The following AK8 variants were observed in gnomAD, a reference collection of about 807,000 sequenced individuals.
AK8 encodes the protein ATP-AMP transphosphorylase 8.
AK8 carries 44 observed loss-of-function variants against 54.6 expected under a neutral mutation model. The ratio of observed to expected loss-of-function variants is 0.81; its 90% CI spans 0.63 to 1.04. AK8 has a LOEUF of 1.04. Ranked by LOEUF, AK8 falls within the 50% of genes least tolerant of loss-of-function variation. AK8 has a pLI of 0.00. For missense variants in AK8, 555 were observed against 613.6 expected, an observed-to-expected ratio of 0.90 and a Z score of 1.01; for synonymous variants, 239 against 245.6, an observed-to-expected ratio of 0.97 and a Z score of 0.25.
In AK8 at chr9:132,878,158, G is replaced by A. The variant is rs574532180; in HGVS notation, c.84+14C>T. ...CCGCCGCCAGCGTCGCGACGGGCAG[G>A]GGTGTCCGGTCACCTGCATCAACTC... On this transcript the variant is annotated intron_variant, in intron 1 of 12. Coordinates refer to ENST00000298545, the MANE Select transcript of AK8 (RefSeq NM_152572.3). The surrounding 1 kb of genome is among the most constrained non-coding windows in gnomAD (Gnocchi z 4.7). 9 of 1,521,900 alleles carry A rather than the reference G, an allele frequency of 5.9e-6. No individual in the cohort carries two copies. The South Asian group carries it at 1.2e-4, about 19-fold the overall frequency. The allele number at this position is 1,521,900 out of a possible 1,614,324, so 94.3% of individuals were successfully genotyped here.
At chr9:132,801,286 T>G (rs190061704) in intron 10 of AK8, among the ~76,000 whole-genome samples, 53 of 152,324 alleles carry the variant, frequency 3.5e-4, no homozygotes, top group African/African-American at 9.9e-4. Context: ...AAAATAGACA[T>G]TCTTCTATAA....
At position 132,727,455 on chromosome 9, in the gene AK8, T is replaced by C; in HGVS notation, c.1201A>G (p.Arg401Gly). ...LRRIDPVTGE[R>G]YHLMYKPPPT... ...AACCACCAGGAACACAGCACAAACC[T>C]TTCCCCAGTGACTGGATCAATTCTT... The change falls in exon 12 of 13, where the codon AGG becomes GGG. Residue 401 changes from arginine to glycine, a missense_variant and splice_region_variant. By Grantham distance (125) the Arg-to-Gly change is moderately radical. Coordinates refer to ENST00000298545, the MANE Select transcript of AK8 (RefSeq NM_152572.3). 1.2e-6 allele frequency: 2 copies of C among 1,613,878 alleles called. No individual in the cohort carries two copies. Among genetic ancestry groups the C allele is most frequent in the South Asian group, 1.1e-5 (1 of 91,072 alleles).
chr9:132,730,908 C>G (rs540445278), intron 11 of AK8, among the ~76,000 whole-genome samples: 2 of 152,180 alleles, frequency 1.3e-5, no homozygotes, highest in Admixed American at 1.3e-4. Flanking sequence ...GGGCTGCCCC[C>G]GATCCTGCAT....
chr9:132,761,919 G>C (rs1017701029), intron 11 of AK8, among the ~76,000 whole-genome samples: 1 of 151,722 alleles, frequency 6.6e-6, no homozygotes, highest in Non-Finnish European at 1.5e-5. Context: ...GCTCAGGCTG[G>C]AGTGCAGTGG....
At chr9:132,750,684 C>A (rs1175769633) in intron 11 of AK8, among the ~76,000 whole-genome samples, 3 of 151,982 alleles carry the variant, frequency 2.0e-5, no homozygotes, top group African/African-American at 7.2e-5. Context: ...GTGAATCCCA[C>A]CAGGGCGCGA....
intron 10 of AK8, among the ~76,000 whole-genome samples, chr9:132,804,038 G>A (rs562103499): frequency 6.2e-5 from 9 of 146,242 alleles, no homozygotes; most frequent in South Asian, 2.2e-4. Flanking sequence ...CCCAGGAGGC[G>A]AAAGTTGTAG....
At chr9:132,742,513 C>T (rs980769549) in intron 11 of AK8, among the ~76,000 whole-genome samples, 3 of 152,204 alleles carry the variant, frequency 2.0e-5, no homozygotes, top group African/African-American at 7.2e-5. Context: ...CAAGGTCACA[C>T]TCTGGGGTGA....
At position 132,839,205 on chromosome 9, in the gene AK8, C is replaced by T. The variant is rs376210644; in HGVS notation, c.403-10479G>A. Among the ~76,000 whole-genome samples the T allele has an allele frequency of 6.6e-5, 10 of 152,284 alleles. No individual in the cohort carries two copies. The East Asian group carries it at 1.5e-3, about 24-fold the overall frequency. On this transcript the variant is annotated intron_variant, in intron 5 of 12. Transcript: ENST00000298545. ...AAGATCCACCCGCCTAGGCCTCCCA[C>T]GGTGCTGGGATTACAGGCGTGAGCC...
At chr9:132,777,336 T>A (rs1377549998) in intron 11 of AK8, among the ~76,000 whole-genome samples, 2 of 152,130 alleles carry the variant, frequency 1.3e-5, no homozygotes, top group Non-Finnish European at 2.9e-5. Flanking sequence ...TCTCACCTGA[T>A]GCCCCAAATC....
chr9:132,788,130 C>G (rs976297975), intron 11 of AK8, among the ~76,000 whole-genome samples: 1 of 151,664 alleles, frequency 6.6e-6, no homozygotes, highest in African/African-American at 2.4e-5. Flanking sequence ...AAATAATTAA[C>G]TAATAGGTAC....
At chr9:132,750,159 T>C (rs1017657457) in intron 11 of AK8, among the ~76,000 whole-genome samples, 7 of 151,866 alleles carry the variant, frequency 4.6e-5, no homozygotes, top group Admixed American at 1.3e-4. Flanking sequence ...GGCTCTGTCA[T>C]GCAGGCTGGA....
chr9:132,844,956 G>A (rs895783443), intron 5 of AK8, among the ~76,000 whole-genome samples: 1 of 152,130 alleles, frequency 6.6e-6, no homozygotes, highest in African/African-American at 2.4e-5. Context: ...ATTTAATTGT[G>A]GGATCTTCAG....
intron 5 of AK8, among the ~76,000 whole-genome samples, chr9:132,829,238 G>A (rs559504899): frequency 2.0e-5 from 3 of 152,220 alleles, no homozygotes; most frequent in Admixed American, 6.5e-5. Flanking sequence ...GATTACAGGC[G>A]TGAGCAACTG....
intron 5 of AK8, among the ~76,000 whole-genome samples, chr9:132,841,786 T>C (rs1230623738): frequency 6.6e-6 from 1 of 152,236 alleles, no homozygotes; most frequent in East Asian, 1.9e-4. Context: ...TGATCACTTT[T>C]ATGTTACACA....
chr9:132,780,275 G>T (rs866403926), intron 11 of AK8, among the ~76,000 whole-genome samples: 28 of 152,340 alleles, frequency 1.8e-4, no homozygotes, highest in Admixed American at 1.3e-3. Flanking sequence ...TTTGTCCTCG[G>T]AAATCTAAGA....
At chr9:132,753,046 A>G (rs1460898580) in intron 11 of AK8, among the ~76,000 whole-genome samples, 1 of 152,198 alleles carries the variant, frequency 6.6e-6, no homozygotes, top group Non-Finnish European at 1.5e-5. Flanking sequence ...GAGCGAACAA[A>G]TTGAAGTGTA....
In AK8 at chr9:132,803,019, C is replaced by T. The variant is rs1315855381; in HGVS notation, c.980-10244G>A. Among the ~76,000 whole-genome samples the T allele has an allele frequency of 6.6e-6, 1 of 152,176 alleles. No homozygotes were observed. Among genetic ancestry groups the T allele is most frequent in the Non-Finnish European group, 1.5e-5 (1 of 68,038 alleles). Reference sequence around the variant, plus strand: ...GGCTGGGGAGGCCTTGGGAAACTTACAATCATGGCAGAAGGGGAAGCAAAC... The same window carrying T: ...GGCTGGGGAGGCCTTGGGAAACTTATAATCATGGCAGAAGGGGAAGCAAAC... On this transcript the variant is annotated intron_variant, in intron 10 of 12. Transcript: ENST00000298545. The surrounding 1 kb of genome is among the most constrained non-coding windows in gnomAD (Gnocchi z 4.4).
Position 132,792,627 on chromosome 9 carries a change from A to T in AK8, c.1121+7T>A. On this transcript the variant is annotated splice_region_variant and intron_variant, in intron 11 of 12. Transcript: ENST00000298545. The stretch of plus-strand genomic sequence containing the variant: ...CCAGGGCTGCTGGCTTGGCTGGGGC[A>T]GCTCACCTGTTGGGATTGTAGCCCA... 1 of 1,549,986 alleles carries T rather than the reference A, an allele frequency of 6.5e-7. No homozygotes were observed. The highest frequency in any genetic ancestry group is 8.7e-7 in the Non-Finnish European group (1 of 1,147,002).
chr9:132,821,311 T>G (rs1841595869), intron 9 of AK8, among the ~76,000 whole-genome samples: 1 of 151,962 alleles, frequency 6.6e-6, no homozygotes, highest in Non-Finnish European at 1.5e-5. Flanking sequence ...GGGCACATGC[T>G]TACGTAAGCA....
Sources: allele counts gnomAD v4.1 joint callset (sites outside exome capture counted in the v4.1 genomes callset), GRCh38; gene constraint gnomAD v4.1.1; non-coding constraint Gnocchi (gnomAD v3.1); transcripts MANE v1.5; gene names NCBI Gene and HGNC (gene_info 2026-07-23, HGNC 2026-07-21).